The following SFPQ variants were observed in gnomAD, a reference collection of about 807,000 sequenced individuals.
The protein encoded by SFPQ is splicing factor proline and glutamine rich, also known as splicing factor, proline- and glutamine-rich.
Under a neutral mutation model 72.9 loss-of-function variants are expected in SFPQ, and 11 were observed. The ratio of observed to expected loss-of-function variants is 0.15; its 90% CI spans 0.09 to 0.25. SFPQ has a LOEUF of 0.25. Among genes scored for constraint, SFPQ ranks in the 10% least tolerant of loss-of-function variants. SFPQ has a pLI of 1.00. For synonymous variants in SFPQ, 506 were observed against 367.3 expected (o/e 1.38, Z -4.32); for missense variants, 847 against 993.3 (o/e 0.85, Z 1.98).
In SFPQ at chr1:35,184,062, T is replaced by A; in HGVS notation, c.*394A>T. ...GGCCTAGACACTCTCATGCTTTCAATGTGGAATACGTAGCCTAATATGCAT... is the reference window on the plus strand; with the variant it reads ...GGCCTAGACACTCTCATGCTTTCAAAGTGGAATACGTAGCCTAATATGCAT... On this transcript the variant is annotated 3_prime_UTR_variant, in exon 10 of 10. Coordinates refer to ENST00000357214, the MANE Select transcript of SFPQ (RefSeq NM_005066.3). The A allele has an allele frequency of 9.3e-7, 1 of 1,075,630 alleles. No homozygotes were observed. The highest frequency in any genetic ancestry group is 1.1e-6 in the Non-Finnish European group (1 of 887,172). 66.6% of individuals were successfully genotyped at this position (1,075,630 alleles called of 1,614,324 possible). A position where few individuals can be genotyped will look rare whatever the true frequency, so the allele number is the denominator to read the frequency against.
At chr1:35,180,472 G>A, downstream of SFPQ, 4 of 1,050,384 alleles carry the variant, frequency 3.8e-6, no homozygotes, top group Non-Finnish European at 4.6e-6. Flanking sequence ...GTATTCGACT[G>A]TAGTCAAGTC....
At chr1:35,182,701 TA>T (rs1639520347), downstream of SFPQ, 2 of 985,308 alleles carry the variant, frequency 2.0e-6, no homozygotes, top group Non-Finnish European at 2.4e-6. Flanking sequence ...ACACATTCCA[TA>T]GTAAGAATTC....
At chr1:35,181,403 G>A, downstream of SFPQ, 2 of 1,064,096 alleles carry the variant, frequency 1.9e-6, no homozygotes, top group East Asian at 5.0e-5. Context: ...CTTAAAAATT[G>A]CACAGGCGTA....
At chr1:35,191,567 C>A (rs779778741) in intron 1 of SFPQ, 38 bp from the exon 2 acceptor site, 1 of 1,500,034 alleles carries the variant, frequency 6.7e-7, no homozygotes, top group South Asian at 1.2e-5. Context: ...ACACCAGAGA[C>A]CTCTGCAAGT....
chr1:35,183,686 G>A lies in SFPQ; in HGVS notation c.*770C>T, dbSNP rs749007193. 1.7e-5 allele frequency: 18 copies of A among 1,040,786 alleles called. No homozygotes were observed. Among genetic ancestry groups the A allele is most frequent in the Admixed American group, 5.6e-5 (1 of 17,846 alleles). The allele number at this position is 1,040,786 out of a possible 1,614,324, so 64.5% of individuals were successfully genotyped here. ...AGATTTGTTGGTCTTTTAAAAACAAGAAATGGGGAAATGCAACAAAATGAC... is the reference window on the plus strand; with the variant it reads ...AGATTTGTTGGTCTTTTAAAAACAAAAAATGGGGAAATGCAACAAAATGAC... On this transcript the variant is annotated 3_prime_UTR_variant, in exon 10 of 10. Transcript: ENST00000357214.
intron 1 of SFPQ, among the ~76,000 whole-genome samples, 160 bp downstream of exon 1, chr1:35,192,062 C>T (rs951502845): frequency 2.6e-5 from 4 of 151,860 alleles, no homozygotes; most frequent in Non-Finnish European, 5.9e-5. Context: ...GCCAATCCCC[C>T]GCCGACCGAC....
At chr1:35,181,312 A>G (rs747643073), downstream of SFPQ, 50 of 1,065,556 alleles carry the variant, frequency 4.7e-5, no homozygotes, top group Non-Finnish European at 5.3e-5. Flanking sequence ...GTCCAAGAAC[A>G]CCAGAAAACA....
Position 35,193,100 on chromosome 1 carries a change from A to G in SFPQ, c.-51T>C. ...CAAAAGCGAAGAAGACGCTCAGGAA[A>G]CGTGGAGGCCACCTTGCTTCTCACA... On this transcript the variant is annotated 5_prime_UTR_variant, in exon 1 of 10. Transcript: ENST00000357214. The G allele has an allele frequency of 3.3e-6, 5 of 1,502,950 alleles. No individual in the cohort carries two copies. The highest frequency in any genetic ancestry group is 3.5e-6 in the Non-Finnish European group (4 of 1,134,796). 93.1% of individuals were successfully genotyped at this position (1,502,950 alleles called of 1,614,324 possible). A position where few individuals can be genotyped will look rare whatever the true frequency, so the allele number is the denominator to read the frequency against.
chr1:35,181,274 G>A (rs1367800862), downstream of SFPQ: 12 of 1,065,510 alleles, frequency 1.1e-5, no homozygotes, highest in South Asian at 4.5e-5. Flanking sequence ...TATGTAGCAG[G>A]CCACTACTTT....
rs1639974505 is a variant in SFPQ, at chr1:35,191,117, GC to G, written c.1018-123del. On this transcript the variant is annotated intron_variant, in intron 2 of 9. Coordinates refer to ENST00000357214, the MANE Select transcript of SFPQ (RefSeq NM_005066.3). ...AGCTCAGTTCGACCATTACCTTTAG[GC>G]AGCACCCACTAACACCACTTAGTTT... 6.4e-6 allele frequency: 6 copies of G among 941,370 alleles called. No homozygotes were observed. In the South Asian group the frequency reaches 1.0e-4, roughly 16 times the overall value. 58.3% of individuals were successfully genotyped at this position (941,370 alleles called of 1,614,324 possible). A position where few individuals can be genotyped will look rare whatever the true frequency, so the allele number is the denominator to read the frequency against.
exon 6 of SFPQ, chr1:35,176,435 CCTT>C (rs779888008): frequency 1.1e-4 from 16 of 152,198 alleles, no homozygotes; most frequent in East Asian, 9.6e-4. Flanking sequence ...TCCTTCCACT[CCTT>C]CTCGTTGGTT....
intron 9 of SFPQ, among the ~76,000 whole-genome samples, chr1:35,186,069 T>A (rs1639698503): frequency 6.6e-6 from 1 of 151,764 alleles, no homozygotes; most frequent in South Asian, 2.1e-4. Context: ...TAACTTTAAT[T>A]CCCAAAAAGT....
intron 2 of SFPQ, 42 bp downstream of exon 2, chr1:35,191,299 C>T (rs372796442): frequency 6.5e-6 from 10 of 1,549,542 alleles, no homozygotes; most frequent in African/African-American, 1.4e-5. Context: ...AAAAATCCCC[C>T]ACCCTTTTTA....
intron 9 of SFPQ, among the ~76,000 whole-genome samples, chr1:35,185,781 T>C (rs1411800940): frequency 2.6e-5 from 4 of 152,218 alleles, no homozygotes; most frequent in Admixed American, 2.6e-4. Flanking sequence ...TTTTGGCTCA[T>C]TGTTCTGTGT....
chr1:35,183,382 T>A lies in SFPQ; in HGVS notation c.*1074A>T. 3.5e-6 allele frequency: 1 copy of A among 284,018 alleles called. No homozygotes were observed. The highest frequency in any genetic ancestry group is 5.5e-6 in the Non-Finnish European group (1 of 183,352). The allele number at this position is 284,018 out of a possible 1,614,324, so 17.6% of individuals were successfully genotyped here. ...ACAGGCGCCTGCCACCACGCCCAGC[T>A]AATTTTTTGTATTTTTAGTAGAGAC... On this transcript the variant is annotated 3_prime_UTR_variant, in exon 10 of 10. Transcript: ENST00000357214.
At chr1:35,182,649 T>C, downstream of SFPQ, 1 of 985,438 alleles carries the variant, frequency 1.0e-6, no homozygotes, top group Non-Finnish European at 1.2e-6. Flanking sequence ...AGAATTTTTC[T>C]TTTGCCAATT....
chr1:35,191,641 T>G (rs1640001672), intron 1 of SFPQ, 112 bp from the exon 2 acceptor site: 1 of 785,330 alleles, frequency 1.3e-6, no homozygotes, highest in African/African-American at 1.7e-5. Context: ...TTCCGTTTGG[T>G]CAAAATCAAG....
Position 35,192,589 on chromosome 1 carries a change from G to A in SFPQ, c.461C>T (p.Pro154Leu). ...GGGAGGGGCCGAGGTGACTGCAGGC[G>A]GCGGGGTCGGAGTCGGGCCTGGCCC... ...GSGPGPTPTP[P>L]PAVTSAPPGA... The change falls in exon 1 of 10, where the codon CCG becomes CTG. Residue 154 changes from proline to leucine, a missense_variant. Physicochemically the swap from Pro to Leu is moderately conservative, Grantham distance 98. Around this residue, in one of 6 missense-constraint regions of SFPQ, gnomAD observed 498 missense variants for 405.1 expected, o/e 1.23. Transcript: ENST00000357214. 4 of 1,338,572 alleles carry A rather than the reference G, an allele frequency of 3.0e-6. No homozygotes were observed. The highest frequency in any genetic ancestry group is 2.9e-6 in the Non-Finnish European group (3 of 1,051,208). The allele number at this position is 1,338,572 out of a possible 1,614,324, so 82.9% of individuals were successfully genotyped here.
downstream of SFPQ, chr1:35,181,726 A>T (rs1052225142): frequency 9.4e-7 from 1 of 1,060,738 alleles, no homozygotes; most frequent in Non-Finnish European, 1.1e-6. Context: ...AATGGCTAAA[A>T]TACTTCAAAA....
Sources: gnomAD v4.1 joint callset for allele counts (sites outside exome capture counted in the v4.1 genomes callset) on GRCh38, gnomAD v4.1.1 for gene constraint, gnomAD v4.1.1 regional missense constraint, MANE v1.5 for transcripts, NCBI Gene and HGNC (gene_info 2026-07-23, HGNC 2026-07-21) for gene names.